The following APTX variants were observed in gnomAD, a reference collection of about 807,000 sequenced individuals.
APTX encodes the protein forkhead-associated domain histidine triad-like protein.
A neutral mutation model predicts 42.3 loss-of-function variants in APTX; 33 were observed. That is an observed-to-expected ratio of 0.78 (90% CI 0.59 to 1.04). The LOEUF (loss-of-function observed/expected upper bound fraction) is 1.04. Ranked by LOEUF, APTX falls within the 50% of genes least tolerant of loss-of-function variation. The pLI is 0.00. For synonymous variants in APTX, 130 were observed against 146.7 expected, an observed-to-expected ratio of 0.89 and a Z score of 0.82; for missense variants, 421 against 415.1, an observed-to-expected ratio of 1.01 and a Z score of -0.12.
intron 1 of APTX, among the ~76,000 whole-genome samples, chr9:33,009,744 A>ACTCCAGCC: frequency 6.6e-6 from 1 of 152,134 alleles, no homozygotes; most frequent in South Asian, 2.1e-4. Flanking sequence ...ATGCCACTGC[A>ACTCCAGCC]CTCCAGCCCT....
chr9:32,989,581 T>C (rs201792228), intron 2 of APTX, 178 bp downstream of exon 2: 156 of 922,882 alleles, frequency 1.7e-4, no homozygotes, highest in Middle Eastern at 6.5e-4. Flanking sequence ...CATTATCACA[T>C]TGGGAGGGCA....
upstream of APTX, among the ~76,000 whole-genome samples, chr9:33,006,593 TGA>T (rs1276192321): frequency 6.6e-6 from 1 of 152,116 alleles, no homozygotes; most frequent in African/African-American, 2.4e-5. Context: ...TATGAAATTC[TGA>T]GAGAGAGTAT....
At chr9:33,008,477 G>A (rs1175040685) in intron 1 of APTX, among the ~76,000 whole-genome samples, 1 of 151,738 alleles carries the variant, frequency 6.6e-6, no homozygotes, top group Admixed American at 6.6e-5. Context: ...TTGGCCTCAA[G>A]CAGTCCTCCA....
At chr9:33,010,045 C>A (rs1289004489) in intron 1 of APTX, among the ~76,000 whole-genome samples, 2 of 152,160 alleles carry the variant, frequency 1.3e-5, no homozygotes, top group African/African-American at 4.8e-5. Flanking sequence ...TGGGTTGAAA[C>A]TTAGAAAACT....
chr9:33,021,077 C>T (rs545293175), intron 1 of APTX, among the ~76,000 whole-genome samples: 1 of 149,922 alleles, frequency 6.7e-6, no homozygotes, highest in South Asian at 2.1e-4. Flanking sequence ...TGCAGTGAGC[C>T]GAGATGGCTC....
Position 33,024,861 on chromosome 9 carries a change from A to AGT in APTX, c.-5+161_-5+162insAC, listed in dbSNP as rs1159187570. On this transcript the variant is annotated intron_variant, in intron 1 of 6. Coordinates refer to the APTX transcript ENST00000436040. Reference sequence around the variant, plus strand: ...CAAAAAGAGAAGAGGCGCCCGTAAGAGGGGGGGGGGGGGGGGCAAGACTGT... The same window carrying AGT: ...CAAAAAGAGAAGAGGCGCCCGTAAGAGTGGGGGGGGGGGGGGGGCAAGACTGT... The AGT allele has an allele frequency of 1.5e-4, 8 of 54,790 alleles. 2 individuals are homozygous for AGT. Among genetic ancestry groups the AGT allele is most frequent in the Non-Finnish European group, 2.9e-4 (8 of 28,004 alleles). 3.4% of individuals were successfully genotyped at this position (54,790 alleles called of 1,614,324 possible).
chr9:33,007,111 C>T (rs914780056), intron 1 of APTX, among the ~76,000 whole-genome samples: 1 of 150,462 alleles, frequency 6.6e-6, no homozygotes, highest in Admixed American at 6.6e-5. Flanking sequence ...CACATGAAGA[C>T]TTGATGGAAA....
chr9:32,985,856 A>C (rs1301498320), intron 5 of APTX, 115 bp downstream of exon 5: 2 of 1,003,538 alleles, frequency 2.0e-6, no homozygotes, highest in East Asian at 4.7e-5. Flanking sequence ...CAGCCCAATA[A>C]AATGAATCTC....
Position 32,985,935 on chromosome 9 carries a change from A to G in APTX, c.543+36T>C, listed in dbSNP as rs748253424. On this transcript the variant is annotated intron_variant, in intron 5 of 7. Coordinates refer to ENST00000379817, the MANE Select transcript of APTX (RefSeq NM_001195248.2). ...CCTCTGTGGAGTGGTCATTTACAAC[A>G]TGAAATGTACTGAAATTCCAAAATT... The G allele has an allele frequency of 5.7e-6, 9 of 1,584,574 alleles. No individual in the cohort carries two copies. The East Asian group carries it at 9.0e-5, about 16-fold the overall frequency.
At chr9:33,006,802 C>G (rs1489220592) in intron 1 of APTX, among the ~76,000 whole-genome samples, 1 of 151,658 alleles carries the variant, frequency 6.6e-6, no homozygotes, top group Admixed American at 6.6e-5. Context: ...AGATCGAGAC[C>G]ATCCTGGCTA....
intron 5 of APTX, among the ~76,000 whole-genome samples, chr9:32,985,280 G>C (rs1445291853): frequency 2.6e-5 from 4 of 151,444 alleles, no homozygotes; most frequent in African/African-American, 9.7e-5. Context: ...TGTCAACAAG[G>C]AATATAATTG....
rs146094239 is a variant in APTX at position 33,022,230 on chromosome 9, G to T, written c.-5+2793C>A. On this transcript the variant is annotated intron_variant, in intron 1 of 6. Transcript: ENST00000436040. ...CAGACTAATATCTACCCCTAAAAGG[G>T]CTATTATTAAAATAGTGGAATTACA... Among the ~76,000 whole-genome samples the T allele has an allele frequency of 6.4e-3, 972 of 152,184 alleles. 8 individuals are homozygous for T. The highest frequency in any genetic ancestry group is 0.019 in the South Asian group (91 of 4,826).
chr9:32,981,739 A>G (rs949267324), intron 6 of APTX, among the ~76,000 whole-genome samples: 2 of 152,234 alleles, frequency 1.3e-5, no homozygotes, highest in Non-Finnish European at 2.9e-5. Flanking sequence ...TATAACCTAT[A>G]GAATAAACAT....
intron 2 of APTX, among the ~76,000 whole-genome samples, chr9:32,988,691 A>G (rs1203021367): frequency 2.3e-5 from 2 of 87,530 alleles, no homozygotes; most frequent in African/African-American, 4.4e-5. Context: ...AGGAGGAAAA[A>G]AAAAAAAAAA....
rs553864582 is a variant in APTX, at chr9:32,987,694, T to G, written c.333A>C (p.Thr111=). The G allele has an allele frequency of 1.4e-5, 22 of 1,614,208 alleles. No homozygotes were observed. In the East Asian group the frequency reaches 4.2e-4, roughly 31 times the overall value. ...EEEAKNPGLE[T]HRKRKRSGNS... is the part of the protein sequence containing the mutation. ...TGCCTGATCTCTTTCTCTTCCTGTGTGTTTCCAGGCCAGGGTTCTTTGCCT... is the reference window on the plus strand; with the variant it reads ...TGCCTGATCTCTTTCTCTTCCTGTGGGTTTCCAGGCCAGGGTTCTTTGCCT... The change falls in exon 4 of 8, where the codon ACA becomes ACC. Residue 111 remains threonine, a synonymous_variant. Coordinates refer to ENST00000379817, the MANE Select transcript of APTX (RefSeq NM_001195248.2).
chr9:33,005,796 A>T (rs1410221192), upstream of APTX, among the ~76,000 whole-genome samples: 1 of 152,188 alleles, frequency 6.6e-6, no homozygotes, highest in Non-Finnish European at 1.5e-5. Flanking sequence ...GCATGTGGAT[A>T]CCCAGATTTT....
At position 32,977,560 on chromosome 9, in the gene APTX, G is replaced by C. The variant is rs185594420; in HGVS notation, c.771-2999C>G. 8.6e-4 allele frequency among the ~76,000 whole-genome samples: 130 copies of C among 152,040 alleles called. 1 individual carries two copies. The Middle Eastern group carries it at 0.037, about 44-fold the overall frequency. On this transcript the variant is annotated intron_variant, in intron 6 of 7. Coordinates refer to ENST00000379817, the MANE Select transcript of APTX (RefSeq NM_001195248.2). ...ATGGGGGGGAAAAAACCTGGGTGCA[G>C]TGGCTCACACCTGTAATCCCAGTAC...
rs192031570 is a variant in APTX, at chr9:33,010,868, G to A, written c.-5+14155C>T. On this transcript the variant is annotated intron_variant, in intron 1 of 6. Coordinates refer to the APTX transcript ENST00000436040. ...TAGAAAGTGGTGAGGATGGCCGGGC[G>A]TGGTGACTAACGCCTGTAATCCCAA... 3.3e-3 allele frequency among the ~76,000 whole-genome samples: 508 copies of A among 151,846 alleles called. 1 individual carries two copies. The highest frequency in any genetic ancestry group is 0.011 in the African/African-American group (476 of 41,426).
intron 1 of APTX, chr9:33,020,108 C>CTGCG (rs1007443048): frequency 2.6e-6 from 1 of 379,104 alleles, no homozygotes; most frequent in African/African-American, 2.1e-5. Flanking sequence ...GCGCCTCCGC[C>CTGCG]TGCGTCTGCA....
Sources: gnomAD v4.1 joint callset for allele counts (sites outside exome capture counted in the v4.1 genomes callset) on GRCh38, gnomAD v4.1.1 for gene constraint, MANE v1.5 for transcripts, NCBI Gene and HGNC (gene_info 2026-07-23, HGNC 2026-07-21) for gene names.